Variants in MYH11 observed in about 807,000 individuals in gnomAD.
MYH11 encodes the protein myosin heavy chain 11, also known as myosin-11.
In MYH11, 80 loss-of-function variants were observed where a neutral mutation model predicts 246.6. The ratio of observed to expected loss-of-function variants is 0.32; its 90% CI spans 0.27 to 0.39. The LOEUF (loss-of-function observed/expected upper bound fraction) is 0.39, where lower values mean the gene tolerates loss of function less well. Among genes scored for constraint, MYH11 ranks in the 10% least tolerant of loss-of-function variants. The pLI is 1.00. For synonymous variants in MYH11, 1,071 were observed against 1,015.5 expected, an observed-to-expected ratio of 1.05 and a Z score of -1.04; for missense variants, 2,158 against 2,546.8, an observed-to-expected ratio of 0.85 and a Z score of 3.29.
intron 13 of MYH11, among the ~76,000 whole-genome samples, chr16:15,757,543 G>C (rs2041759838): frequency 7.1e-6 from 1 of 141,056 alleles, no homozygotes; most frequent in African/African-American, 2.6e-5. Flanking sequence ...AGCAATGGCA[G>C]AGAAGGAAAG....
At chr16:15,841,111 T>C (rs1022400716) in intron 1 of MYH11, among the ~76,000 whole-genome samples, 1 of 152,072 alleles carries the variant, frequency 6.6e-6, no homozygotes, top group African/African-American at 2.4e-5. Flanking sequence ...GAAAGACAAA[T>C]ATATTTAAAT....
At chr16:15,838,725 T>C (rs2043971984) in intron 1 of MYH11, among the ~76,000 whole-genome samples, 1 of 151,740 alleles carries the variant, frequency 6.6e-6, no homozygotes, top group Non-Finnish European at 1.5e-5. Flanking sequence ...CCAGGTGTGA[T>C]GGTGTGCACC....
At chr16:15,763,741 T>TCCCGCCCCC in intron 10 of MYH11, 55 bp downstream of exon 10, 1 of 646,862 alleles carries the variant, frequency 1.5e-6, no homozygotes. Context: ...AAATGTCACC[T>TCCCGCCCCC]CCCCCACCCC....
At chr16:15,725,410 G>C (rs932254713) in intron 28 of MYH11, 1 of 508,370 alleles carries the variant, frequency 2.0e-6, no homozygotes, top group Non-Finnish European at 3.4e-6. Context: ...GATGGTACTT[G>C]AACGTCCCAG....
At chr16:15,738,447 G>C in intron 24 of MYH11, 118 bp downstream of exon 24, 1 of 954,418 alleles carries the variant, frequency 1.0e-6, no homozygotes, top group Non-Finnish European at 1.5e-6. Context: ...TAGGAGTTTC[G>C]GGCTGCAGTG....
chr16:15,817,625 G>T (rs2043294654), intron 3 of MYH11, among the ~76,000 whole-genome samples: 1 of 152,142 alleles, frequency 6.6e-6, no homozygotes, highest in Non-Finnish European at 1.5e-5. Context: ...AAGGGGCTTG[G>T]CTTCCACTTG....
chr16:15,777,276 C>T (rs9928883), intron 7 of MYH11, among the ~76,000 whole-genome samples: 15 of 152,088 alleles, frequency 9.9e-5, no homozygotes, highest in African/African-American at 3.6e-4. Context: ...TGCATGCCAC[C>T]ACGCCTGGAT....
At chr16:15,725,098 T>C in intron 28 of MYH11, 106 bp from the exon 29 acceptor site, 1 of 873,296 alleles carries the variant, frequency 1.1e-6, no homozygotes, top group Admixed American at 2.0e-5. Flanking sequence ...AGGTGTTCAC[T>C]GATTGAGAAA....
rs568339690 is a variant in MYH11 at position 15,807,709 on chromosome 16, A to C, written c.503-9022T>G. 1.1e-4 allele frequency among the ~76,000 whole-genome samples: 16 copies of C among 152,138 alleles called. No homozygotes were observed. The South Asian group carries it at 2.7e-3, about 26-fold the overall frequency. On this transcript the variant is annotated intron_variant, in intron 3 of 40. Transcript: ENST00000300036. Reference sequence around the variant, plus strand: ...AGATCCCTGGGGCTCATGTCACCTCACACCCCATCCTTAAACATGCCTCTC... The same window carrying C: ...AGATCCCTGGGGCTCATGTCACCTCCCACCCCATCCTTAAACATGCCTCTC...
At chr16:15,706,483 A>T (rs1232253570) in intron 40 of MYH11, among the ~76,000 whole-genome samples, 1 of 152,148 alleles carries the variant, frequency 6.6e-6, no homozygotes, top group Non-Finnish European at 1.5e-5. Context: ...AGGTGGGCAG[A>T]TCACTCGTGA....
intron 3 of MYH11, among the ~76,000 whole-genome samples, chr16:15,799,662 C>G (rs538169961): frequency 1.3e-5 from 2 of 152,334 alleles, no homozygotes; most frequent in Admixed American, 1.3e-4. Context: ...AAAGAGAGAT[C>G]TGAGAACAGT....
chr16:15,733,990 T>C (rs2041042889), intron 26 of MYH11, among the ~76,000 whole-genome samples: 1 of 152,250 alleles, frequency 6.6e-6, no homozygotes, highest in Non-Finnish European at 1.5e-5. Context: ...AGCTATATGC[T>C]ATGATACATG....
rs1335217588 is a variant in MYH11 at position 15,765,186 on chromosome 16, T to C, written c.1034-1295A>G. On this transcript the variant is annotated intron_variant, in intron 9 of 40. Transcript: ENST00000300036. ...ATGAATAAATGGATAGAGGATGGGT[T>C]CATGGATGAATGGACGGATGGATGG... 2.6e-5 allele frequency among the ~76,000 whole-genome samples: 4 copies of C among 151,280 alleles called. No homozygotes were observed. The South Asian group carries it at 8.4e-4, about 32-fold the overall frequency.
intron 10 of MYH11, among the ~76,000 whole-genome samples, chr16:15,761,650 A>G (rs1015429993): frequency 3.3e-5 from 5 of 152,192 alleles, no homozygotes; most frequent in African/African-American, 4.8e-5. Flanking sequence ...TAACATGAAA[A>G]TAGCATTACA....
chr16:15,798,536 G>C (rs2042797665), intron 4 of MYH11, 124 bp downstream of exon 4: 2 of 1,015,302 alleles, frequency 2.0e-6, no homozygotes, highest in Non-Finnish European at 2.9e-6. Flanking sequence ...GAGGCACTTG[G>C]AACCATGAAC....
chr16:15,726,680 T>A (rs1201397307), intron 28 of MYH11, 168 bp downstream of exon 28: 75 of 827,166 alleles, frequency 9.1e-5, no homozygotes, highest in Non-Finnish European at 4.1e-5. Flanking sequence ...AAGGTTTTTT[T>A]AATATTTAAT....
At chr16:15,799,285 C>T (rs1412786958) in intron 3 of MYH11, among the ~76,000 whole-genome samples, 2 of 152,202 alleles carry the variant, frequency 1.3e-5, no homozygotes, top group East Asian at 3.9e-4. Context: ...GTGTTCCAGG[C>T]TGCATTGGTC....
At chr16:15,711,379 T>TAAAA (rs1680146211) in intron 40 of MYH11, 1 of 152,146 alleles carries the variant, frequency 6.6e-6, no homozygotes, top group Non-Finnish European at 1.5e-5. Flanking sequence ...ACTCCCTTTT[T>TAAAA]AGTGGAGAAG....
At chr16:15,825,743 G>A (rs762513491) in intron 2 of MYH11, among the ~76,000 whole-genome samples, 21 of 152,008 alleles carry the variant, frequency 1.4e-4, no homozygotes, top group Non-Finnish European at 2.6e-4. Flanking sequence ...GGCACAAGGC[G>A]AGTCCCGCCA....
Sources: gnomAD v4.1 joint callset for allele counts (sites outside exome capture counted in the v4.1 genomes callset) on GRCh38, gnomAD v4.1.1 for gene constraint, MANE v1.5 for transcripts, NCBI Gene and HGNC (gene_info 2026-07-23, HGNC 2026-07-21) for gene names.